The following PRKN variants were observed in gnomAD, a reference collection of about 807,000 sequenced individuals.
The protein encoded by PRKN is E3 ubiquitin-protein ligase parkin.
A neutral mutation model predicts 59.5 loss-of-function variants in PRKN; 56 were observed. The observed-to-expected ratio is 0.94, with a 90% CI of 0.76 to 1.18. The LOEUF (loss-of-function observed/expected upper bound fraction) is 1.18. PRKN is among the 50% of genes most tolerant of loss of function. The probability of loss-of-function intolerance (pLI) is 0.00; values close to 1 mark genes in which losing one functional copy is unlikely to be tolerated. For missense variants in PRKN, 657 were observed against 596.4 expected (o/e 1.10, Z -1.06); for synonymous variants, 250 against 222.1 (o/e 1.13, Z -1.12).
chr6:162,076,278 C>A (rs1778824145), intron 4 of PRKN, among the ~76,000 whole-genome samples: 1 of 151,938 alleles, frequency 6.6e-6, no homozygotes, highest in African/African-American at 2.4e-5. Flanking sequence ...CCAAGGAAGG[C>A]CTTCTTAATC....
At chr6:161,766,331 C>A (rs1483517924) in intron 7 of PRKN, among the ~76,000 whole-genome samples, 2 of 46,396 alleles carry the variant, frequency 4.3e-5, no homozygotes, top group Non-Finnish European at 5.5e-5. Context: ...TTTTTTTAGA[C>A]AGAGTCTCGA....
At chr6:161,660,221 G>T (rs546256697) in intron 7 of PRKN, among the ~76,000 whole-genome samples, 2 of 152,254 alleles carry the variant, frequency 1.3e-5, no homozygotes, top group East Asian at 3.9e-4. Context: ...GATTCACGTA[G>T]TACGCATTGC....
At position 161,499,228 on chromosome 6, in the gene PRKN, C is replaced by A. The variant is rs1261519774; in HGVS notation, c.1083+49626G>T. Among the ~76,000 whole-genome samples the A allele has an allele frequency of 2.0e-5, 3 of 151,520 alleles. No homozygotes were observed. The highest frequency in any genetic ancestry group is 2.0e-4 in the Admixed American group (3 of 15,204). On this transcript the variant is annotated intron_variant, in intron 9 of 11. Coordinates refer to ENST00000366898, the MANE Select transcript of PRKN (RefSeq NM_004562.3). The surrounding 1 kb of genome is among the most constrained non-coding windows in gnomAD (Gnocchi z 4.2). Reference sequence around the variant, plus strand: ...AACGTAAAAGATGCATCCTAAACTTCCCTTGCTAAAGTGAAGAATGAGGAC... The same window carrying A: ...AACGTAAAAGATGCATCCTAAACTTACCTTGCTAAAGTGAAGAATGAGGAC...
At chr6:162,648,036 C>CCCAT (rs1778264853) in intron 1 of PRKN, among the ~76,000 whole-genome samples, 1 of 149,220 alleles carries the variant, frequency 6.7e-6, no homozygotes, top group African/African-American at 2.5e-5. Context: ...CCCCACATCA[C>CCCAT]CCATTCCCAA....
intron 1 of PRKN, among the ~76,000 whole-genome samples, chr6:162,506,491 T>C (rs747891205): frequency 1.2e-4 from 19 of 152,162 alleles, no homozygotes; most frequent in Non-Finnish European, 2.4e-4. Context: ...GAAAGTCTAT[T>C]TCATTATTTG....
chr6:162,222,863 T>C (rs777102688), intron 3 of PRKN, among the ~76,000 whole-genome samples: 1 of 152,076 alleles, frequency 6.6e-6, no homozygotes, highest in Non-Finnish European at 1.5e-5. Context: ...ATTTTATTAT[T>C]ATTATACTTT....
chr6:162,429,456 T>C (rs541802095), intron 2 of PRKN, among the ~76,000 whole-genome samples: 1 of 152,256 alleles, frequency 6.6e-6, no homozygotes, highest in East Asian at 1.9e-4. Flanking sequence ...GCATCATTCC[T>C]GCATCCTGGG....
intron 2 of PRKN, among the ~76,000 whole-genome samples, chr6:162,276,744 TTAGA>T (rs1226327700): frequency 6.6e-6 from 1 of 151,906 alleles, no homozygotes; most frequent in Non-Finnish European, 1.5e-5. Context: ...AGCACCTCTC[TTAGA>T]TAATTGATAG....
intron 1 of PRKN, among the ~76,000 whole-genome samples, chr6:162,520,099 TA>T (rs1778026538): frequency 6.6e-6 from 1 of 152,022 alleles, no homozygotes; most frequent in African/African-American, 2.4e-5. Flanking sequence ...AAAATATATA[TA>T]TATTTTTAAA....
chr6:162,568,721 C>T, intron 1 of PRKN: 3 of 766,236 alleles, frequency 3.9e-6, no homozygotes, highest in Non-Finnish European at 7.1e-6. Flanking sequence ...GCAACATGGG[C>T]AACATGTTCA....
intron 2 of PRKN, among the ~76,000 whole-genome samples, chr6:162,386,718 A>G (rs954344165): frequency 1.3e-5 from 2 of 152,180 alleles, no homozygotes; most frequent in African/African-American, 4.8e-5. Flanking sequence ...GTGTGTGCGC[A>G]GGTATAAGGG....
intron 1 of PRKN, among the ~76,000 whole-genome samples, chr6:162,601,016 G>A (rs1165138193): frequency 4.6e-5 from 7 of 152,018 alleles, no homozygotes; most frequent in African/African-American, 1.4e-4. Context: ...ACACAATACC[G>A]CAGACTGGGT....
intron 7 of PRKN, among the ~76,000 whole-genome samples, chr6:161,585,540 T>C (rs1781492049): frequency 1.3e-5 from 2 of 152,232 alleles, no homozygotes. Context: ...TCTCAAATTT[T>C]GTGTATCTAA....
rs190370446 is a variant in PRKN, at chr6:162,359,788, A to G, written c.171+83522T>C. On this transcript the variant is annotated intron_variant, in intron 2 of 11. Coordinates refer to ENST00000366898, the MANE Select transcript of PRKN (RefSeq NM_004562.3). The stretch of plus-strand genomic sequence containing the variant: ...GACGTTTGCCTCTTAATGGAATTGG[A>G]AAATTCCTACAGTAAAGATACATGT... Among the ~76,000 whole-genome samples, 7 of 152,240 alleles carry G rather than the reference A, an allele frequency of 4.6e-5. No individual in the cohort carries two copies. The East Asian group carries it at 1.4e-3, about 29-fold the overall frequency.
intron 4 of PRKN, among the ~76,000 whole-genome samples, chr6:162,186,313 T>C (rs889628971): frequency 8.9e-5 from 13 of 145,556 alleles, no homozygotes; most frequent in African/African-American, 1.3e-4. Context: ...TTAACAGACT[T>C]TTTTTTTTTT....
intron 7 of PRKN, among the ~76,000 whole-genome samples, chr6:161,701,699 T>C (rs970002385): frequency 2.0e-5 from 3 of 152,328 alleles, no homozygotes; most frequent in Middle Eastern, 3.4e-3. Flanking sequence ...GTCCAAATTC[T>C]GTCCAAGGTA....
chr6:161,382,880 T>C (rs1442562383), intron 10 of PRKN, among the ~76,000 whole-genome samples: 1 of 152,218 alleles, frequency 6.6e-6, no homozygotes, highest in Non-Finnish European at 1.5e-5. Flanking sequence ...TGGGCTCTCC[T>C]GGCTGGAGCA....
At chr6:162,552,592 G>A (rs1055555275) in intron 1 of PRKN, among the ~76,000 whole-genome samples, 4 of 152,170 alleles carry the variant, frequency 2.6e-5, no homozygotes, top group African/African-American at 9.7e-5. Flanking sequence ...AAAAAAGCAA[G>A]AGTTTAGTTT....
chr6:162,313,055 CAAATGA>C (rs1291882420), intron 2 of PRKN, among the ~76,000 whole-genome samples: 1 of 152,078 alleles, frequency 6.6e-6, no homozygotes, highest in East Asian at 1.9e-4. Flanking sequence ...TTCATGCAAT[CAAATGA>C]AAATGATTTT....
Sources: allele counts gnomAD v4.1 joint callset (sites outside exome capture counted in the v4.1 genomes callset), GRCh38; gene constraint gnomAD v4.1.1; non-coding constraint Gnocchi (gnomAD v3.1); transcripts MANE v1.5; gene names NCBI Gene and HGNC (gene_info 2026-07-23, HGNC 2026-07-21).